The following CDC123 variants were observed in gnomAD, a reference collection of about 807,000 sequenced individuals.
CDC123 encodes translation initiation factor eIF2 assembly protein.
In CDC123, 37 loss-of-function variants were observed where a neutral mutation model predicts 54.4. The ratio of observed to expected loss-of-function variants is 0.68; its 90% CI spans 0.52 to 0.89. The LOEUF (loss-of-function observed/expected upper bound fraction) is 0.89, where lower values mean the gene tolerates loss of function less well. Among genes scored for constraint, CDC123 ranks in the 40% least tolerant of loss-of-function variants. The probability of loss-of-function intolerance (pLI) is 0.00; values close to 1 mark genes in which losing one functional copy is unlikely to be tolerated. For synonymous variants in CDC123, 144 were observed against 136.8 expected (o/e 1.05, Z -0.37); for missense variants, 361 against 412.1 (o/e 0.88, Z 1.07).
At chr10:12,206,920 C>T (rs926424232) in intron 2 of CDC123, among the ~76,000 whole-genome samples, 2 of 144,532 alleles carry the variant, frequency 1.4e-5, no homozygotes, top group Non-Finnish European at 1.5e-5. Flanking sequence ...AATCACGCCA[C>T]TGCACTCCAG....
At position 12,215,828 on chromosome 10, in the gene CDC123, C is replaced by T; in HGVS notation, c.326C>T (p.Ala109Val). Residue 109 changes from alanine (A) to valine (V), a missense_variant, in exon 5 of 13, where the codon GCC becomes GTC. Transcript: ENST00000281141. ...GSVFPKLNWS[A>V]PRDAYWIAMN... ...GTCTTTCCTAAGCTTAATTGGAGTG[C>T]CCCAAGGGTAGGAACACATAAGTAA... 1.9e-6 allele frequency: 3 copies of T among 1,602,610 alleles called. No homozygotes were observed. Among genetic ancestry groups the T allele is most frequent in the Non-Finnish European group, 2.6e-6 (3 of 1,172,898 alleles).
intron 4 of CDC123, among the ~76,000 whole-genome samples, chr10:12,214,977 CT>C (rs960872806): frequency 6.6e-6 from 1 of 151,998 alleles, no homozygotes; most frequent in Non-Finnish European, 1.5e-5. Flanking sequence ...TCTTACTTAC[CT>C]TTTTTTCTTT....
At chr10:12,248,871 A>G (rs1466565526) in intron 11 of CDC123, among the ~76,000 whole-genome samples, 1 of 152,002 alleles carries the variant, frequency 6.6e-6, no homozygotes, top group Non-Finnish European at 1.5e-5. Flanking sequence ...GCACTTTGGG[A>G]GGCCGAGGCA....
chr10:12,242,174 T>C (rs1285000496), intron 10 of CDC123, among the ~76,000 whole-genome samples: 1 of 152,246 alleles, frequency 6.6e-6, no homozygotes, highest in Admixed American at 6.5e-5. Context: ...GCGTGGCCTC[T>C]GTACGTGAGA....
chr10:12,210,033 C>G lies in CDC123; in HGVS notation c.204+9C>G, dbSNP rs1835576850. On this transcript the variant is annotated intron_variant, in intron 3 of 12. Coordinates refer to ENST00000281141, the MANE Select transcript of CDC123 (RefSeq NM_006023.3). ...AAGCAGAAGAAATACAGGTTGGTAC[C>G]AAATAAAATAATCTGTTCTGTAGAC... 2 of 1,612,892 alleles carry G rather than the reference C, an allele frequency of 1.2e-6. No homozygotes were observed. The highest frequency in any genetic ancestry group is 2.7e-5 in the African/African-American group (2 of 74,878).
chr10:12,230,247 C>T (rs1180588563), intron 6 of CDC123, among the ~76,000 whole-genome samples: 1 of 150,966 alleles, frequency 6.6e-6, no homozygotes, highest in African/African-American at 2.4e-5. Context: ...GGCTGGAGTT[C>T]AGTGGCACTG....
Position 12,200,120 on chromosome 10 carries a change from ATTT to A in CDC123, c.146+1365_146+1367del, listed in dbSNP as rs543337462. On this transcript the variant is annotated intron_variant, in intron 2 of 12. Transcript: ENST00000281141. ...ATAGGCCTGAGCCACCGCACTCGGC[ATTT>A]TTTTTTTTTTTTTTTTTTTTAAAGA... Among the ~76,000 whole-genome samples, 16 of 59,368 alleles carry A rather than the reference ATTT, an allele frequency of 2.7e-4. 2 individuals carry two copies. The highest frequency in any genetic ancestry group is 2.4e-3 in the East Asian group (3 of 1,258). 38.9% of individuals were successfully genotyped at this position (59,368 alleles called of 152,430 possible).
intron 6 of CDC123, among the ~76,000 whole-genome samples, chr10:12,227,176 G>T (rs1439557820): frequency 6.6e-6 from 1 of 151,990 alleles, no homozygotes; most frequent in Non-Finnish European, 1.5e-5. Context: ...GAATCAGGCA[G>T]GGAGGTTGCA....
chr10:12,244,221 C>T (rs114260557), intron 10 of CDC123, among the ~76,000 whole-genome samples: 3,138 of 152,318 alleles, frequency 0.021, 110 homozygotes, highest in African/African-American at 0.071. Flanking sequence ...GCTGGCTCAG[C>T]GGTCTTGTTG....
intron 12 of CDC123, 54 bp downstream of exon 12, chr10:12,249,772 A>C: frequency 1.3e-6 from 2 of 1,536,588 alleles, no homozygotes; most frequent in East Asian, 4.6e-5. Context: ...AGACCTTCAA[A>C]TTGGCTTTTA....
intron 11 of CDC123, 64 bp from the exon 12 acceptor site, chr10:12,249,517 A>G (rs962339099): frequency 6.7e-7 from 1 of 1,501,924 alleles, no homozygotes; most frequent in Non-Finnish European, 9.1e-7. Flanking sequence ...GTTCTTTTTT[A>G]GTTCACAGAA....
intron 7 of CDC123, among the ~76,000 whole-genome samples, chr10:12,232,890 G>C (rs557028024): frequency 6.6e-6 from 1 of 151,634 alleles, no homozygotes; most frequent in East Asian, 1.9e-4. Flanking sequence ...CTCCCAAGGA[G>C]CTGGGATTAC....
intron 5 of CDC123, 23 bp from the exon 6 acceptor site, chr10:12,217,338 A>G (rs753833577): frequency 1.2e-6 from 2 of 1,605,620 alleles, no homozygotes; most frequent in South Asian, 1.1e-5. Flanking sequence ...TATGGACTAA[A>G]TAGCATGTGC....
At chr10:12,222,727 C>T (rs937205352) in intron 6 of CDC123, among the ~76,000 whole-genome samples, 12 of 152,012 alleles carry the variant, frequency 7.9e-5, no homozygotes, top group Non-Finnish European at 2.9e-5. Flanking sequence ...GACTGCAGGT[C>T]AGGGAATTTG....
rs765177859 is a variant in CDC123, at chr10:12,237,273, A to G, written c.688+7A>G. The G allele has an allele frequency of 6.5e-7, 1 of 1,533,306 alleles. No homozygotes were observed. Among genetic ancestry groups the G allele is most frequent in the South Asian group, 1.3e-5 (1 of 75,840 alleles). The allele number at this position is 1,533,306 out of a possible 1,614,324, so 95.0% of individuals were successfully genotyped here. A position where few individuals can be genotyped will look rare whatever the true frequency, so the allele number is the denominator to read the frequency against. Reference sequence around the variant, plus strand: ...AAATTCTTAGATGAAGACTGTGAGTATTTTTTTATTGATCCAGTAAAATGA... The same window carrying G: ...AAATTCTTAGATGAAGACTGTGAGTGTTTTTTTATTGATCCAGTAAAATGA... On this transcript the variant is annotated splice_region_variant and intron_variant, in intron 9 of 12. Transcript: ENST00000281141.
chr10:12,218,502 G>A (rs555627109), intron 6 of CDC123, among the ~76,000 whole-genome samples: 3 of 152,080 alleles, frequency 2.0e-5, no homozygotes, highest in African/African-American at 2.4e-5. Flanking sequence ...GCCTCCCAAC[G>A]TGTTAGGCTT....
intron 2 of CDC123, among the ~76,000 whole-genome samples, chr10:12,201,057 A>G (rs1835432766): frequency 6.6e-6 from 1 of 152,226 alleles, no homozygotes; most frequent in Non-Finnish European, 1.5e-5. Flanking sequence ...CCAGCATGGC[A>G]TGGTGCTGTT....
At chr10:12,247,673 C>A (rs1448779101) in intron 11 of CDC123, 1 of 152,374 alleles carries the variant, frequency 6.6e-6, no homozygotes. Context: ...GGTTTCTTCA[C>A]CCAGCCACTC....
chr10:12,239,164 T>A (rs1836020641), intron 10 of CDC123, among the ~76,000 whole-genome samples: 1 of 144,950 alleles, frequency 6.9e-6, no homozygotes, highest in Non-Finnish European at 1.5e-5. Context: ...CCTCCTCAAA[T>A]TTTTTTTTTT....
Sources: allele counts gnomAD v4.1 joint callset (sites outside exome capture counted in the v4.1 genomes callset), GRCh38; gene constraint gnomAD v4.1.1; transcripts MANE v1.5; gene names NCBI Gene and HGNC (gene_info 2026-07-23, HGNC 2026-07-21).